NAA15: variants seen among roughly 807,000 people sequenced by gnomAD.
NAA15 encodes N-terminal acetyltransferase.
NAA15 carries 34 observed loss-of-function variants against 114.0 expected under a neutral mutation model. The observed-to-expected ratio is 0.30, with a 90% CI of 0.23 to 0.40. The LOEUF (loss-of-function observed/expected upper bound fraction) is 0.40. NAA15 is among the 10% of genes least tolerant of loss of function. The probability of loss-of-function intolerance (pLI) is 1.00; values close to 1 mark genes in which losing one functional copy is unlikely to be tolerated. For synonymous variants in NAA15, 340 were observed against 338.0 expected (o/e 1.01, Z -0.06); for missense variants, 658 against 1,004.5 (o/e 0.66, Z 4.66).
chr4:139,363,694 G>A (rs1199038962), intron 14 of NAA15, among the ~76,000 whole-genome samples: 1 of 152,122 alleles, frequency 6.6e-6, no homozygotes, highest in Non-Finnish European at 1.5e-5. Context: ...TATTAGAAGT[G>A]GAAATCGGTG....
At chr4:139,358,864 C>A (rs1207529228) in intron 11 of NAA15, among the ~76,000 whole-genome samples, 3 of 152,074 alleles carry the variant, frequency 2.0e-5, no homozygotes, top group African/African-American at 7.2e-5. Flanking sequence ...TGCCTGTAAT[C>A]CCAGCACTTT....
intron 9 of NAA15, among the ~76,000 whole-genome samples, chr4:139,352,132 T>G (rs1344714414): frequency 6.6e-6 from 1 of 152,006 alleles, no homozygotes; most frequent in Non-Finnish European, 1.5e-5. Flanking sequence ...CTTTTGAGAC[T>G]GAGTCTTGCT....
In NAA15 at chr4:139,311,432, G is replaced by A. The variant is rs147577840; in HGVS notation, c.54+9601G>A. Among the ~76,000 whole-genome samples, 27 of 152,060 alleles carry A rather than the reference G, an allele frequency of 1.8e-4. 2 individuals carry two copies. In the East Asian group the frequency reaches 4.1e-3, roughly 23 times the overall value. On this transcript the variant is annotated intron_variant, in intron 1 of 19. Transcript: ENST00000296543. The stretch of plus-strand genomic sequence containing the variant: ...TTTTTGGAGAAGGGAGTTAAGCTGG[G>A]CTTTGGCATTACAGAGTACATTAGT...
chr4:139,327,890 C>T (rs990613416), intron 1 of NAA15, among the ~76,000 whole-genome samples: 4 of 152,162 alleles, frequency 2.6e-5, no homozygotes, highest in Non-Finnish European at 5.9e-5. Context: ...GTCTTGAACT[C>T]CTGACCTCAG....
In NAA15 at chr4:139,301,558, T is replaced by G; in HGVS notation, c.-220T>G. 2 of 580,230 alleles carry G rather than the reference T, an allele frequency of 3.4e-6. No homozygotes were observed. The highest frequency in any genetic ancestry group is 6.1e-6 in the Non-Finnish European group (2 of 328,996). 35.9% of individuals were successfully genotyped at this position (580,230 alleles called of 1,614,324 possible). A position where few individuals can be genotyped will look rare whatever the true frequency, so the allele number is the denominator to read the frequency against. Reference sequence around the variant, plus strand: ...CACGTGAACCGCCGACGGAGACCCGTAGTGGGGGAGGCGGCGGCAGCGTTA... The same window carrying G: ...CACGTGAACCGCCGACGGAGACCCGGAGTGGGGGAGGCGGCGGCAGCGTTA... On this transcript the variant is annotated 5_prime_UTR_variant, in exon 1 of 20. Transcript: ENST00000296543.
At chr4:139,333,670 C>T (rs2110894642) in intron 1 of NAA15, among the ~76,000 whole-genome samples, 1 of 152,210 alleles carries the variant, frequency 6.6e-6, no homozygotes, top group African/African-American at 2.4e-5. Flanking sequence ...TGAGTGAGTC[C>T]TGAGATCGCT....
At chr4:139,357,666 A>G (rs1435406690) in intron 11 of NAA15, 111 bp downstream of exon 11, 3 of 707,710 alleles carry the variant, frequency 4.2e-6, no homozygotes, top group Admixed American at 3.0e-5. Flanking sequence ...ATAACTCAAA[A>G]AACATGAAGT....
chr4:139,365,961 G>T (rs1044424417), intron 14 of NAA15, among the ~76,000 whole-genome samples: 1 of 151,610 alleles, frequency 6.6e-6, no homozygotes, highest in Non-Finnish European at 1.5e-5. Context: ...CAGTGCTTAT[G>T]TTGCCATCCA....
At chr4:139,344,136 G>T (rs756985980) in intron 5 of NAA15, 50 bp from the exon 6 acceptor site, 39 of 1,442,552 alleles carry the variant, frequency 2.7e-5, no homozygotes, top group Non-Finnish European at 3.2e-5. Context: ...ACAATTTTCT[G>T]ATATGAAAAT....
intron 16 of NAA15, among the ~76,000 whole-genome samples, chr4:139,377,915 G>A (rs1748636381): frequency 6.6e-6 from 1 of 152,294 alleles, no homozygotes; most frequent in South Asian, 2.1e-4. Flanking sequence ...GTAGGGAAGG[G>A]CAATCTAAAG....
chr4:139,359,661 A>T, intron 11 of NAA15, 82 bp from the exon 12 acceptor site: 1 of 1,379,946 alleles, frequency 7.2e-7, no homozygotes, highest in East Asian at 2.5e-5. Context: ...TTGTTTTTAA[A>T]TTATTTATCA....
intron 3 of NAA15, 123 bp from the exon 4 acceptor site, chr4:139,340,789 C>G (rs1747357918): frequency 1.5e-6 from 1 of 662,684 alleles, no homozygotes; most frequent in East Asian, 3.0e-5. Flanking sequence ...ATCTCCCCCT[C>G]CCCTTCCCCT....
At chr4:139,325,297 G>A (rs1396187622) in intron 1 of NAA15, among the ~76,000 whole-genome samples, 1 of 152,112 alleles carries the variant, frequency 6.6e-6, no homozygotes, top group Non-Finnish European at 1.5e-5. Flanking sequence ...AAAATTTTGG[G>A]TTTAATAACC....
chr4:139,370,142 A>C, intron 14 of NAA15, 69 bp from the exon 15 acceptor site: 1 of 1,238,404 alleles, frequency 8.1e-7, no homozygotes, highest in South Asian at 1.9e-5. Context: ...GGTAGGATCA[A>C]ATAATACTTA....
Position 139,322,071 on chromosome 4 carries a change from C to T in NAA15, c.55-12103C>T, listed in dbSNP as rs575766459. On this transcript the variant is annotated intron_variant, in intron 1 of 19. Transcript: ENST00000296543. Reference sequence around the variant, plus strand: ...TTTGGCAGACAATTTGCTTGTTTATCAGCTTATACTTTTTGAGGCTTGTTT... The same window carrying T: ...TTTGGCAGACAATTTGCTTGTTTATTAGCTTATACTTTTTGAGGCTTGTTT... 4.6e-5 allele frequency among the ~76,000 whole-genome samples: 7 copies of T among 152,200 alleles called. No individual in the cohort carries two copies. The East Asian group carries it at 1.2e-3, about 25-fold the overall frequency.
At chr4:139,342,735 A>G in intron 4 of NAA15, 91 bp from the exon 5 acceptor site, 2 of 1,249,212 alleles carry the variant, frequency 1.6e-6, no homozygotes, top group Non-Finnish European at 2.3e-6. Context: ...GGCGTGAGCC[A>G]CTGCGCCTGG....
intron 2 of NAA15, among the ~76,000 whole-genome samples, chr4:139,336,170 G>A (rs769648539): frequency 3.4e-4 from 52 of 152,140 alleles, no homozygotes; most frequent in Non-Finnish European, 6.8e-4. Flanking sequence ...GTCTAAAAGA[G>A]AAATCAATCA....
intron 17 of NAA15, among the ~76,000 whole-genome samples, chr4:139,381,957 T>C (rs972125622): frequency 6.6e-6 from 1 of 152,200 alleles, no homozygotes; most frequent in African/African-American, 2.4e-5. Flanking sequence ...GACTTATTAC[T>C]CTTTCATGGA....
At position 139,361,844 on chromosome 4, in the gene NAA15, T is replaced by C. The variant is rs1205805672; in HGVS notation, c.1660T>C (p.Tyr554His). 6.2e-7 allele frequency: 1 copy of C among 1,613,686 alleles called. No homozygotes were observed. Among genetic ancestry groups the C allele is most frequent in the Admixed American group, 1.7e-5 (1 of 60,002 alleles). The change falls in exon 14 of 20, where the codon TAC (tyrosine) becomes CAC (histidine). Residue 554 changes from tyrosine to histidine, a missense_variant. Physicochemically the swap from Tyr to His is moderately conservative, Grantham distance 83. This residue lies in a region of NAA15 where 275 missense variants were observed against 371.1 expected (regional missense o/e 0.74). Transcript: ENST00000296543. ...AGATGTACTTCGACAGCATCCATTT[T>C]ACTTCAAGGCAGCAAGAATTGCTAT... ...LEDVLRQHPFYFKAARIAIEI... is the reference protein window; with the variant it reads ...LEDVLRQHPFHFKAARIAIEI...
Sources: allele counts gnomAD v4.1 joint callset (sites outside exome capture counted in the v4.1 genomes callset), GRCh38; gene constraint gnomAD v4.1.1; regional missense constraint gnomAD v4.1.1; transcripts MANE v1.5; gene names NCBI Gene and HGNC (gene_info 2026-07-23, HGNC 2026-07-21).